CARS2: variants seen among roughly 807,000 people sequenced by gnomAD.
CARS2 encodes the protein cysteinyl-tRNA synthetase 2, mitochondrial, also known as probable cysteine--tRNA ligase, mitochondrial.
Under a neutral mutation model 68.8 loss-of-function variants are expected in CARS2, and 52 were observed. That is an observed-to-expected ratio of 0.76 (90% CI 0.61 to 0.95). CARS2 has a LOEUF of 0.95. Among genes scored for constraint, CARS2 ranks in the 40% least tolerant of loss-of-function variants. CARS2 has a pLI of 0.00. For missense variants in CARS2, 780 were observed against 754.2 expected (o/e 1.03, Z -0.40); for synonymous variants, 314 against 303.6 (o/e 1.03, Z -0.36).
At chr13:110,701,361 G>A in intron 3 of CARS2, 77 bp downstream of exon 3, 2 of 770,464 alleles carry the variant, frequency 2.6e-6, no homozygotes, top group Non-Finnish European at 4.6e-6. Context: ...ACCACGCCCG[G>A]CCAAGAACCA....
chr13:110,644,005 G>T, intron 13 of CARS2: 1 of 806,738 alleles, frequency 1.2e-6, no homozygotes. Context: ...CATGTGCCAG[G>T]CAAGGGGGCT....
chr13:110,667,617 T>C, intron 7 of CARS2, 144 bp from the exon 8 acceptor site: 1 of 658,962 alleles, frequency 1.5e-6, no homozygotes, highest in Non-Finnish European at 2.4e-6. Context: ...ATAATTTAAC[T>C]GATTCAAATG....
intron 13 of CARS2, chr13:110,643,717 C>T (rs1330846345): frequency 6.2e-6 from 1 of 161,802 alleles, no homozygotes; most frequent in Non-Finnish European, 1.4e-5. Context: ...GGGCCTCTGT[C>T]AGCCACATAC....
At chr13:110,690,849 G>A (rs1431894242) in intron 3 of CARS2, among the ~76,000 whole-genome samples, 2 of 152,208 alleles carry the variant, frequency 1.3e-5, no homozygotes, top group African/African-American at 4.8e-5. Context: ...CATGGTGTCA[G>A]TGTGACAGCT....
intron 3 of CARS2, among the ~76,000 whole-genome samples, chr13:110,690,561 T>TC (rs1417980175): frequency 6.6e-6 from 1 of 152,100 alleles, no homozygotes; most frequent in Non-Finnish European, 1.5e-5. Context: ...TGGCCTCTAC[T>TC]CCCCCTTCCA....
At chr13:110,701,073 C>CT (rs374928372) in intron 3 of CARS2, among the ~76,000 whole-genome samples, 65 of 147,094 alleles carry the variant, frequency 4.4e-4, no homozygotes, top group South Asian at 8.6e-4. Context: ...TTTCTTTTTT[C>CT]TTTTTTTTTT....
intron 12 of CARS2, chr13:110,645,695 C>A: frequency 2.5e-6 from 1 of 405,456 alleles, no homozygotes; most frequent in Non-Finnish European, 4.4e-6. Context: ...TGAGATGTGT[C>A]CCCTGAGGAT....
At chr13:110,681,558 A>AT (rs1163212500) in intron 6 of CARS2, among the ~76,000 whole-genome samples, 3 of 152,164 alleles carry the variant, frequency 2.0e-5, no homozygotes, top group African/African-American at 7.2e-5. Flanking sequence ...GACACAAATA[A>AT]GCCTCTTCCC....
At chr13:110,649,641 G>C (rs945626661) in intron 10 of CARS2, among the ~76,000 whole-genome samples, 5 of 152,222 alleles carry the variant, frequency 3.3e-5, no homozygotes, top group African/African-American at 1.2e-4. Context: ...TTTGGAGCAA[G>C]AGAGCTACGT....
chr13:110,642,569 G>A, intron 13 of CARS2, 48 bp from the exon 14 acceptor site: 1 of 1,440,258 alleles, frequency 6.9e-7, no homozygotes, highest in Non-Finnish European at 9.2e-7. Context: ...TGTGGATTGT[G>A]GATGCCCCCT....
chr13:110,672,492 C>A (rs923075412), intron 7 of CARS2, among the ~76,000 whole-genome samples: 27 of 152,124 alleles, frequency 1.8e-4, no homozygotes, highest in Non-Finnish European at 4.0e-4. Flanking sequence ...ATGAAGGCAG[C>A]AGTAAAGACG....
In CARS2 at chr13:110,677,025, G is replaced by A. The variant is rs772967208; in HGVS notation, c.734C>T (p.Pro245Leu). 1 of 1,605,364 alleles carries A rather than the reference G, an allele frequency of 6.2e-7. No homozygotes were observed. The highest frequency in any genetic ancestry group is 1.1e-5 in the South Asian group (1 of 90,744). Reference protein sequence around the residue: ...AKPQEVFWASPWGPGRPGWHI... With the variant: ...AKPQEVFWASLWGPGRPGWHI... ...CCAGCCCGGCCTCCCGGGTCCCCAG[G>A]GAGAGGCCCAGAACACCTCCTGGGG... The change falls in exon 7 of 15, where the codon CCC (proline) becomes CTC (leucine). Residue 245 changes from proline to leucine, a missense_variant. Coordinates refer to ENST00000257347, the MANE Select transcript of CARS2 (RefSeq NM_024537.4).
At chr13:110,675,215 C>T (rs1008369902) in intron 7 of CARS2, among the ~76,000 whole-genome samples, 1 of 152,168 alleles carries the variant, frequency 6.6e-6, no homozygotes, top group African/African-American at 2.4e-5. Context: ...TGGATATATA[C>T]CCAAAGGATT....
intron 5 of CARS2, 84 bp downstream of exon 5, chr13:110,687,637 C>T: frequency 2.5e-6 from 2 of 812,018 alleles, no homozygotes; most frequent in Non-Finnish European, 3.9e-6. Flanking sequence ...TGAGATAGCA[C>T]CACTGCACTC....
chr13:110,652,432 A>G (rs2139705493), intron 9 of CARS2, among the ~76,000 whole-genome samples: 1 of 152,386 alleles, frequency 6.6e-6, no homozygotes, highest in Middle Eastern at 3.4e-3. Context: ...ACTGAGAGCA[A>G]AACACACACA....
At chr13:110,672,257 T>C (rs2062823180) in intron 7 of CARS2, among the ~76,000 whole-genome samples, 1 of 152,186 alleles carries the variant, frequency 6.6e-6, no homozygotes, top group South Asian at 2.1e-4. Flanking sequence ...ATCAACAGAA[T>C]ATACATTCTT....
chr13:110,645,793 TG>T, intron 12 of CARS2, 173 bp downstream of exon 12: 1 of 823,644 alleles, frequency 1.2e-6, no homozygotes. Context: ...AGCCCCAGGC[TG>T]GGTGCCATCC....
chr13:110,692,182 T>G (rs1169963783), intron 3 of CARS2, among the ~76,000 whole-genome samples: 1 of 151,310 alleles, frequency 6.6e-6, no homozygotes, highest in Non-Finnish European at 1.5e-5. Flanking sequence ...TGTTTTCATA[T>G]TTGGTGGCCG....
intron 8 of CARS2, chr13:110,666,488 C>T (rs544545481): frequency 2.6e-5 from 26 of 985,268 alleles, no homozygotes; most frequent in East Asian, 1.1e-4. Flanking sequence ...CTGGGTTCCC[C>T]GACTCAACAG....
Sources: gnomAD v4.1 joint callset for allele counts (sites outside exome capture counted in the v4.1 genomes callset) on GRCh38, gnomAD v4.1.1 for gene constraint, MANE v1.5 for transcripts, NCBI Gene and HGNC (gene_info 2026-07-23, HGNC 2026-07-21) for gene names.